PRKN: variants seen among roughly 807,000 people sequenced by gnomAD.
The protein encoded by PRKN is parkin RBR E3 ubiquitin protein ligase.
Under a neutral mutation model 59.5 loss-of-function variants are expected in PRKN, and 56 were observed. The ratio of observed to expected loss-of-function variants is 0.94; its 90% CI spans 0.76 to 1.18. The LOEUF (loss-of-function observed/expected upper bound fraction) is 1.18. PRKN is among the 50% of genes most tolerant of loss of function. The pLI is 0.00. For synonymous variants in PRKN, 250 were observed against 222.1 expected (o/e 1.13, Z -1.12); for missense variants, 657 against 596.4 (o/e 1.10, Z -1.06).
intron 7 of PRKN, among the ~76,000 whole-genome samples, chr6:161,781,290 A>G (rs924636552): frequency 6.6e-6 from 1 of 152,218 alleles, no homozygotes; most frequent in Non-Finnish European, 1.5e-5. Flanking sequence ...TTCTATGAGT[A>G]TTATATTTAA....
intron 2 of PRKN, among the ~76,000 whole-genome samples, chr6:162,269,836 G>C (rs533922185): frequency 1.5e-4 from 23 of 152,152 alleles, no homozygotes; most frequent in Admixed American, 6.6e-4. Flanking sequence ...TCTTACTCCT[G>C]CAAGAGTGGC....
chr6:162,222,019 A>T (rs1279938671), intron 3 of PRKN, among the ~76,000 whole-genome samples: 3 of 152,300 alleles, frequency 2.0e-5, no homozygotes, highest in Middle Eastern at 3.4e-3. Context: ...TGAAAAAGAT[A>T]AAAGTAGATT....
At chr6:162,341,825 C>G (rs1784192093) in intron 2 of PRKN, among the ~76,000 whole-genome samples, 1 of 151,578 alleles carries the variant, frequency 6.6e-6, no homozygotes, top group Non-Finnish European at 1.5e-5. Context: ...TTGATGGGTG[C>G]AGGAAACCAC....
At chr6:161,994,347 A>C (rs1359982764) in intron 5 of PRKN, among the ~76,000 whole-genome samples, 1 of 152,168 alleles carries the variant, frequency 6.6e-6, no homozygotes, top group Non-Finnish European at 1.5e-5. Context: ...AAACATCAAC[A>C]AACTAGGCAT....
At chr6:161,671,733 A>C (rs1784916932) in intron 7 of PRKN, among the ~76,000 whole-genome samples, 1 of 152,186 alleles carries the variant, frequency 6.6e-6, no homozygotes, top group Non-Finnish European at 1.5e-5. Flanking sequence ...TTCTTTCCAG[A>C]GCATGTAATC....
At position 161,544,071 on chromosome 6, in the gene PRKN, CCAAAA is replaced by C. The variant is rs1779710851; in HGVS notation, c.1083+4778_1083+4782del. On this transcript the variant is annotated intron_variant, in intron 9 of 11. Transcript: ENST00000366898. This position sits in a 1 kb window ranked among gnomAD's most constrained non-coding sequence, Gnocchi z 5.5. ...AGTGAGGCTAGACTAGTATTTGGTA[CCAAAA>C]TACATTCTCTGCTGCGTTCTATCTA... is the stretch of plus-strand genomic sequence containing the variant. Among the ~76,000 whole-genome samples the C allele has an allele frequency of 6.6e-6, 1 of 152,076 alleles. No homozygotes were observed.
chr6:161,835,314 G>A (rs1350193666), intron 6 of PRKN, among the ~76,000 whole-genome samples: 1 of 152,066 alleles, frequency 6.6e-6, no homozygotes, highest in African/African-American at 2.4e-5. Context: ...AAGGAAGGGG[G>A]GCTTCCTGGG....
In PRKN at chr6:161,499,007, G is replaced by T. The variant is rs1353793579; in HGVS notation, c.1083+49847C>A. Among the ~76,000 whole-genome samples, 1 of 152,008 alleles carries T rather than the reference G, an allele frequency of 6.6e-6. No individual in the cohort carries two copies. Among genetic ancestry groups the T allele is most frequent in the Non-Finnish European group, 1.5e-5 (1 of 68,022 alleles). On this transcript the variant is annotated intron_variant, in intron 9 of 11. Transcript: ENST00000366898. The surrounding 1 kb of genome is among the most constrained non-coding windows in gnomAD (Gnocchi z 4.2). ...AAGCCCCCGATGCTTTGCAACCTCC[G>T]CACATTTCTCAGAACTCAGGCTGAA...
At chr6:161,717,546 G>C (rs1167849857) in intron 7 of PRKN, among the ~76,000 whole-genome samples, 1 of 152,204 alleles carries the variant, frequency 6.6e-6, no homozygotes, top group Non-Finnish European at 1.5e-5. Context: ...AATATGAGGA[G>C]GAAGAAGCAG....
chr6:161,887,915 T>C (rs1166153906), intron 6 of PRKN, among the ~76,000 whole-genome samples: 1 of 152,220 alleles, frequency 6.6e-6, no homozygotes, highest in African/African-American at 2.4e-5. Flanking sequence ...TTAGAATATT[T>C]CCACTGTTTT....
chr6:161,553,823 A>G lies in PRKN; in HGVS notation c.934-4820T>C, dbSNP rs554256841. 3.3e-5 allele frequency among the ~76,000 whole-genome samples: 5 copies of G among 152,328 alleles called. No homozygotes were observed. The South Asian group carries it at 1.0e-3, about 32-fold the overall frequency. On this transcript the variant is annotated intron_variant, in intron 8 of 11. Transcript: ENST00000366898. ...TGCACAACTATCTCATCTCTGGCCA[A>G]TGGCAATCCTATCAAGATGAGTTTC...
intron 7 of PRKN, among the ~76,000 whole-genome samples, chr6:161,596,377 C>T (rs1781913932): frequency 6.6e-6 from 1 of 152,160 alleles, no homozygotes; most frequent in African/African-American, 2.4e-5. Flanking sequence ...CAGAGAATCA[C>T]TTATTTGGAA....
intron 7 of PRKN, among the ~76,000 whole-genome samples, chr6:161,749,525 T>C (rs1175941940): frequency 6.6e-6 from 1 of 152,082 alleles, no homozygotes; most frequent in Admixed American, 6.5e-5. Context: ...TTTCACAAAG[T>C]CTTCAACTCC....
intron 9 of PRKN, among the ~76,000 whole-genome samples, chr6:161,478,125 T>C (rs1791205802): frequency 6.6e-6 from 1 of 152,218 alleles, no homozygotes; most frequent in Non-Finnish European, 1.5e-5. Context: ...GTTGATTTAC[T>C]CATAAATCAA....
Position 162,361,228 on chromosome 6 carries a change from A to AAG in PRKN, c.171+82080_171+82081dup, listed in dbSNP as rs1161808499. On this transcript the variant is annotated intron_variant, in intron 2 of 11. Coordinates refer to ENST00000366898, the MANE Select transcript of PRKN (RefSeq NM_004562.3). ...CATTTGGAGTGGCTCATTAGGGGAAAAGAGAGAGAGAGAGAAAGGGTTATG... is the reference window on the plus strand; with the variant it reads ...CATTTGGAGTGGCTCATTAGGGGAAAAGAGAGAGAGAGAGAGAAAGGGTTATG... Among the ~76,000 whole-genome samples, 3 of 151,252 alleles carry AAG rather than the reference A, an allele frequency of 2.0e-5. No homozygotes were observed. In the East Asian group the frequency reaches 5.8e-4, roughly 29 times the overall value.
chr6:162,424,095 AGC>A (rs1466573684), intron 2 of PRKN, among the ~76,000 whole-genome samples: 1 of 152,194 alleles, frequency 6.6e-6, no homozygotes, highest in Non-Finnish European at 1.5e-5. Flanking sequence ...TATGTGACCA[AGC>A]CATGAAAGGT....
At chr6:161,771,471 T>C (rs996338060) in intron 7 of PRKN, among the ~76,000 whole-genome samples, 3 of 151,868 alleles carry the variant, frequency 2.0e-5, no homozygotes, top group Admixed American at 1.3e-4. Context: ...TCAGGAGTGA[T>C]GCTGAGGAAG....
chr6:161,573,828 A>AT (rs1451341473), intron 7 of PRKN, among the ~76,000 whole-genome samples: 1 of 123,530 alleles, frequency 8.1e-6, no homozygotes, highest in African/African-American at 2.8e-5. Flanking sequence ...GTTTTGGAGA[A>AT]TTTTTTGTTT....
At chr6:161,422,981 A>C (rs1788173680) in intron 9 of PRKN, among the ~76,000 whole-genome samples, 1 of 152,212 alleles carries the variant, frequency 6.6e-6, no homozygotes, top group African/African-American at 2.4e-5. Flanking sequence ...CAAGCTGGGC[A>C]TGCATTCAGA....
Sources: allele counts gnomAD v4.1 joint callset (sites outside exome capture counted in the v4.1 genomes callset), GRCh38; gene constraint gnomAD v4.1.1; non-coding constraint Gnocchi (gnomAD v3.1); transcripts MANE v1.5; gene names NCBI Gene and HGNC (gene_info 2026-07-23, HGNC 2026-07-21).